The following FRAS1 variants were observed in gnomAD, a reference collection of about 807,000 sequenced individuals.
FRAS1 encodes the protein Fraser extracellular matrix complex subunit 1, also known as extracellular matrix organizing protein FRAS1.
FRAS1 carries 290 observed loss-of-function variants against 435.2 expected under a neutral mutation model. The observed-to-expected ratio is 0.67, with a 90% CI of 0.61 to 0.73. The LOEUF (loss-of-function observed/expected upper bound fraction) is 0.73. Ranked by LOEUF, FRAS1 falls within the 30% of genes least tolerant of loss-of-function variation. FRAS1 has a pLI of 0.00. For synonymous variants in FRAS1, 1,800 were observed against 1,851.0 expected (o/e 0.97, Z 0.71); for missense variants, 4,860 against 5,001.5 (o/e 0.97, Z 0.85).
chr4:78,437,441 A>G (rs1734473154), intron 38 of FRAS1, among the ~76,000 whole-genome samples: 1 of 152,202 alleles, frequency 6.6e-6, no homozygotes, highest in Non-Finnish European at 1.5e-5. Flanking sequence ...TTTAGGGAAA[A>G]CTTTCTGAAG....
rs1040687304 is a variant in FRAS1 at position 78,116,230 on chromosome 4, A to G, written c.108+50214A>G. On this transcript the variant is annotated intron_variant, in intron 2 of 73. Transcript: ENST00000512123. ...TAATGTCTGTTCTTTTACATTTGCC[A>G]AGGAGTGCTTTACTTCCAACTATGT... Among the ~76,000 whole-genome samples, 8 of 152,144 alleles carry G rather than the reference A, an allele frequency of 5.3e-5. No individual in the cohort carries two copies. In the East Asian group the frequency reaches 5.8e-4, roughly 11 times the overall value.
Position 78,299,087 on chromosome 4 carries a change from G to A in FRAS1, c.1535-8979G>A, listed in dbSNP as rs1424516908. Among the ~76,000 whole-genome samples, 4 of 152,312 alleles carry A rather than the reference G, an allele frequency of 2.6e-5. No individual in the cohort carries two copies. The South Asian group carries it at 8.3e-4, about 32-fold the overall frequency. On this transcript the variant is annotated intron_variant, in intron 14 of 73. Coordinates refer to ENST00000512123, the MANE Select transcript of FRAS1 (RefSeq NM_025074.7). ...TTTAGGGGCTAAGGAAGGAGCCAGC[G>A]ACGTTGTGGGCTGGGCGAATCCTGT...
chr4:78,164,587 A>G (rs1721263871), intron 2 of FRAS1, among the ~76,000 whole-genome samples: 1 of 152,180 alleles, frequency 6.6e-6, no homozygotes, highest in Non-Finnish European at 1.5e-5. Context: ...GTAAGTCATT[A>G]CTATATAACA....
At chr4:78,200,268 G>C (rs1459088929) in intron 2 of FRAS1, among the ~76,000 whole-genome samples, 1 of 152,158 alleles carries the variant, frequency 6.6e-6, no homozygotes, top group African/African-American at 2.4e-5. Flanking sequence ...AAAATGAAAA[G>C]ATCTCTTTTC....
intron 58 of FRAS1, among the ~76,000 whole-genome samples, chr4:78,487,770 A>G (rs1452546605): frequency 6.6e-6 from 1 of 152,216 alleles, no homozygotes; most frequent in Non-Finnish European, 1.5e-5. Flanking sequence ...AAATTCAATT[A>G]TACCAACAAT....
At chr4:78,463,872 A>G (rs2109845506) in intron 47 of FRAS1, 149 bp from the exon 48 acceptor site, 1 of 839,036 alleles carries the variant, frequency 1.2e-6, no homozygotes, top group South Asian at 1.7e-5. Flanking sequence ...AACAACTCTA[A>G]CAACAAGGTC....
intron 2 of FRAS1, among the ~76,000 whole-genome samples, chr4:78,079,994 T>A (rs921394174): frequency 1.3e-5 from 2 of 152,060 alleles, no homozygotes; most frequent in Non-Finnish European, 2.9e-5. Flanking sequence ...ATCTGCCTGG[T>A]TGGCCTAATG....
intron 69 of FRAS1, among the ~76,000 whole-genome samples, chr4:78,525,403 C>T (rs914762531): frequency 7.2e-5 from 11 of 152,194 alleles, no homozygotes; most frequent in East Asian, 3.8e-4. Context: ...TTAGAAACAA[C>T]GGCCCTGAAA....
intron 2 of FRAS1, among the ~76,000 whole-genome samples, chr4:78,132,753 T>A (rs1719739136): frequency 6.6e-6 from 1 of 152,176 alleles, no homozygotes; most frequent in Non-Finnish European, 1.5e-5. Flanking sequence ...GTTTTTCACA[T>A]GACCCTGAAA....
Position 78,472,304 on chromosome 4 carries a change from G to C in FRAS1, c.7496G>C (p.Gly2499Ala), listed in dbSNP as rs768272144. 10 of 1,608,980 alleles carry C rather than the reference G, an allele frequency of 6.2e-6. No individual in the cohort carries two copies. Among genetic ancestry groups the C allele is most frequent in the Non-Finnish European group, 8.5e-6 (10 of 1,176,634 alleles). ...TTTGTGGAGAACAAGCTGCAGCCTG[G>C]CAGAGCTGCTGCCACTTTCACCCAG... Reference protein sequence around the residue: ...HGFVENKLQPGRAAATFTQED... With the variant: ...HGFVENKLQPARAAATFTQED... The change falls in exon 52 of 74, where the codon GGC becomes GCC. Residue 2499 changes from glycine (G) to alanine (A), a missense_variant. Gly to Ala is a moderately conservative substitution (Grantham distance 60). Coordinates refer to ENST00000512123, the MANE Select transcript of FRAS1 (RefSeq NM_025074.7).
intron 2 of FRAS1, among the ~76,000 whole-genome samples, chr4:78,226,731 A>T (rs1724291607): frequency 6.6e-6 from 1 of 151,796 alleles, no homozygotes; most frequent in African/African-American, 2.4e-5. Flanking sequence ...ATTTTTCTTC[A>T]GTTTTGGAAA....
chr4:78,064,533 G>A (rs1210718515), intron 1 of FRAS1, among the ~76,000 whole-genome samples: 1 of 151,492 alleles, frequency 6.6e-6, no homozygotes, highest in Non-Finnish European at 1.5e-5. Flanking sequence ...TTATACATAT[G>A]CCTTGTACTT....
chr4:78,297,366 A>G (rs1728185853), intron 14 of FRAS1, among the ~76,000 whole-genome samples: 1 of 152,166 alleles, frequency 6.6e-6, no homozygotes, highest in South Asian at 2.1e-4. Context: ...TGGGTCTGGG[A>G]AGGCTTTGTG....
intron 2 of FRAS1, among the ~76,000 whole-genome samples, chr4:78,143,888 A>G (rs1484867797): frequency 6.8e-6 from 1 of 147,666 alleles, no homozygotes; most frequent in African/African-American, 2.5e-5. Flanking sequence ...TGGGTGATAC[A>G]GTGAGACCCT....
chr4:78,380,681 G>C (rs1346033983), intron 27 of FRAS1, among the ~76,000 whole-genome samples: 1 of 152,180 alleles, frequency 6.6e-6, no homozygotes, highest in East Asian at 1.9e-4. Flanking sequence ...CCTTCATCCT[G>C]CTCTGCTTCA....
intron 2 of FRAS1, among the ~76,000 whole-genome samples, chr4:78,087,887 A>C (rs889531602): frequency 1.3e-5 from 2 of 152,112 alleles, no homozygotes; most frequent in Admixed American, 6.5e-5. Context: ...TCCTCATCAA[A>C]CTACCAATGA....
chr4:78,488,411 T>C (rs1468336626), intron 58 of FRAS1, among the ~76,000 whole-genome samples: 3 of 152,170 alleles, frequency 2.0e-5, no homozygotes, highest in East Asian at 3.8e-4. Flanking sequence ...TTTCCTATTG[T>C]CTCTCTGGCC....
intron 14 of FRAS1, among the ~76,000 whole-genome samples, chr4:78,307,459 C>A (rs934360237): frequency 1.3e-5 from 2 of 152,232 alleles, no homozygotes; most frequent in African/African-American, 4.8e-5. Flanking sequence ...GCCCCTCCCC[C>A]AGCCTTGCTG....
intron 41 of FRAS1, among the ~76,000 whole-genome samples, chr4:78,443,880 G>T (rs143091909): frequency 1.3e-5 from 2 of 151,904 alleles, no homozygotes; most frequent in Middle Eastern, 3.2e-3. Context: ...ACAGGGTCTC[G>T]CCTCATTGCC....
Sources: allele counts gnomAD v4.1 joint callset (sites outside exome capture counted in the v4.1 genomes callset), GRCh38; gene constraint gnomAD v4.1.1; transcripts MANE v1.5; gene names NCBI Gene and HGNC (gene_info 2026-07-23, HGNC 2026-07-21).